The following PCDHGA2 variants were observed in gnomAD, a reference collection of about 807,000 sequenced individuals.
The protein encoded by PCDHGA2 is protocadherin gamma subfamily A, 2.
In PCDHGA2, 40 loss-of-function variants were observed where a neutral mutation model predicts 59.2. The ratio of observed to expected loss-of-function variants is 0.68; its 90% CI spans 0.52 to 0.88. The LOEUF (loss-of-function observed/expected upper bound fraction) is 0.88. Among genes scored for constraint, PCDHGA2 ranks in the 40% least tolerant of loss-of-function variants. The pLI is 0.00. For synonymous variants in PCDHGA2, 560 were observed against 526.0 expected, an observed-to-expected ratio of 1.06 and a Z score of -0.89; for missense variants, 1,226 against 1,204.0, an observed-to-expected ratio of 1.02 and a Z score of -0.27.
rs1282403944 is a variant in PCDHGA2 at position 141,485,452 on chromosome 5, G to A, written c.2425-9355G>A. ...TCATCAAGAACCCAATCGACCGAGA[G>A]GCACTGTGTGGGCTCAGTGCCAGCT... On this transcript the variant is annotated intron_variant, in intron 1 of 3. Transcript: ENST00000394576. The surrounding 1 kb of genome is among the most constrained non-coding windows in gnomAD (Gnocchi z 5.7). 2.5e-6 allele frequency: 4 copies of A among 1,614,054 alleles called. No individual in the cohort carries two copies. Among genetic ancestry groups the A allele is most frequent in the East Asian group, 4.5e-5 (2 of 44,884 alleles).
At chr5:141,450,014 T>A (rs867473620) in intron 1 of PCDHGA2, among the ~76,000 whole-genome samples, 7,114 of 149,588 alleles carry the variant, frequency 0.048, 422 homozygotes, top group African/African-American at 0.13. Context: ...CTCTTTTTTT[T>A]TTTTTTTTTT....
At chr5:141,463,653 G>T (rs1378583183) in intron 1 of PCDHGA2, among the ~76,000 whole-genome samples, 1 of 151,764 alleles carries the variant, frequency 6.6e-6, no homozygotes. Context: ...GGGTTTCACC[G>T]TGTTAGCCAG....
intron 1 of PCDHGA2, chr5:141,370,414 G>A (rs1479510412): frequency 6.4e-7 from 1 of 1,568,570 alleles, no homozygotes; most frequent in Non-Finnish European, 8.6e-7. Flanking sequence ...AGCTCCGGAT[G>A]GAGGGGCCCA....
intron 1 of PCDHGA2, among the ~76,000 whole-genome samples, chr5:141,386,184 C>T (rs1402266173): frequency 6.6e-6 from 1 of 152,164 alleles, no homozygotes; most frequent in Non-Finnish European, 1.5e-5. Context: ...ATCTTATGTA[C>T]ACAGATCCTA....
Position 141,338,859 on chromosome 5 carries a change from C to T in PCDHGA2, c.-113C>T. The T allele has an allele frequency of 7.0e-7, 1 of 1,434,090 alleles. No homozygotes were observed. The highest frequency in any genetic ancestry group is 9.1e-7 in the Non-Finnish European group (1 of 1,095,672). The allele number at this position is 1,434,090 out of a possible 1,614,324, so 88.8% of individuals were successfully genotyped here. ...CAGTCGAACAGCCCACCAGTTCTCT[C>T]CATAGGGACCTGGGTCCCGTGAATG... On this transcript the variant is annotated 5_prime_UTR_variant, in exon 1 of 4. Coordinates refer to ENST00000394576, the MANE Select transcript of PCDHGA2 (RefSeq NM_018915.4).
chr5:141,397,862 G>A (rs956658469), intron 1 of PCDHGA2: 5 of 566,952 alleles, frequency 8.8e-6, no homozygotes, highest in African/African-American at 7.5e-5. Flanking sequence ...TAGTTTCCTA[G>A]TGCTGACTCT....
At chr5:141,427,007 C>T (rs1215109574) in intron 1 of PCDHGA2, 2 of 456,668 alleles carry the variant, frequency 4.4e-6, no homozygotes, top group Admixed American at 2.3e-5. Flanking sequence ...CAGTTTTTAG[C>T]CAGGATGTAT....
chr5:141,399,538 T>G, intron 1 of PCDHGA2: 1 of 1,614,048 alleles, frequency 6.2e-7, no homozygotes, highest in Non-Finnish European at 8.5e-7. Context: ...CGCGCAAGTC[T>G]GCGCCTCGGA....
intron 1 of PCDHGA2, chr5:141,361,582 C>T (rs746722919): frequency 3.1e-6 from 5 of 1,614,022 alleles, no homozygotes; most frequent in Non-Finnish European, 8.5e-7. Context: ...TGACTTGGGC[C>T]CCAGTGGCCA....
At chr5:141,366,655 C>G in intron 1 of PCDHGA2, 2 of 1,614,220 alleles carry the variant, frequency 1.2e-6, no homozygotes, top group Non-Finnish European at 1.7e-6. Context: ...AGCCCAACTA[C>G]GCAGACACGC....
chr5:141,446,130 CTT>C (rs1191897284), intron 1 of PCDHGA2, among the ~76,000 whole-genome samples: 2 of 152,076 alleles, frequency 1.3e-5, no homozygotes, highest in African/African-American at 4.8e-5. Context: ...TTCAATAAGA[CTT>C]AATAATGGAA....
At chr5:141,344,116 C>CCGGTCA (rs1236669885) in intron 1 of PCDHGA2, 1 of 1,613,892 alleles carries the variant, frequency 6.2e-7, no homozygotes, top group Non-Finnish European at 8.5e-7. Context: ...GAAACAGGAT[C>CCGGTCA]CGGTCAGATC....
Position 141,487,779 on chromosome 5 carries a change from T to C in PCDHGA2, c.2425-7028T>C, listed in dbSNP as rs1269811316. On this transcript the variant is annotated intron_variant, in intron 1 of 3. Coordinates refer to ENST00000394576, the MANE Select transcript of PCDHGA2 (RefSeq NM_018915.4). This position sits in a 1 kb window ranked among gnomAD's most constrained non-coding sequence, Gnocchi z 5.0. ...GTAGACGCTGTGCTTTGTAACTGTT[T>C]CGTGAATTAACCAGAGTTGTCACAG... is the stretch of plus-strand genomic sequence containing the variant. 2.6e-6 allele frequency: 4 copies of C among 1,530,492 alleles called. No individual in the cohort carries two copies. The highest frequency in any genetic ancestry group is 2.6e-6 in the Non-Finnish European group (3 of 1,133,212). The allele number at this position is 1,530,492 out of a possible 1,614,324, so 94.8% of individuals were successfully genotyped here. A position where few individuals can be genotyped will look rare whatever the true frequency, so the allele number is the denominator to read the frequency against.
chr5:141,443,235 C>G (rs1182428300), intron 1 of PCDHGA2, among the ~76,000 whole-genome samples: 2 of 151,642 alleles, frequency 1.3e-5, no homozygotes, highest in East Asian at 1.9e-4. Flanking sequence ...AATCTTAGCA[C>G]TTTGGGGCGC....
At chr5:141,388,365 G>A (rs2091332064) in intron 1 of PCDHGA2, 1 of 1,614,002 alleles carries the variant, frequency 6.2e-7, no homozygotes, top group East Asian at 2.2e-5. Flanking sequence ...CCATGATGCG[G>A]ATATTGGTAG....
chr5:141,499,689 C>CTTTTT (rs545067566), intron 2 of PCDHGA2, among the ~76,000 whole-genome samples: 5 of 119,848 alleles, frequency 4.2e-5, no homozygotes, highest in Admixed American at 8.7e-5. Context: ...TAACAGATGA[C>CTTTTT]TTTTTTTTTT....
Position 141,487,856 on chromosome 5 carries a change from T to C in PCDHGA2, c.2425-6951T>C. The C allele has an allele frequency of 2.0e-6, 2 of 977,364 alleles. No homozygotes were observed. The highest frequency in any genetic ancestry group is 3.0e-6 in the Non-Finnish European group (2 of 671,858). 60.5% of individuals were successfully genotyped at this position (977,364 alleles called of 1,614,324 possible). A position where few individuals can be genotyped will look rare whatever the true frequency, so the allele number is the denominator to read the frequency against. Reference sequence around the variant, plus strand: ...ATATCTGAGTAAGAAATGAAAGTAATTGGTGATCAAGAGCCAGGCTGTTGT... The same window carrying C: ...ATATCTGAGTAAGAAATGAAAGTAACTGGTGATCAAGAGCCAGGCTGTTGT... On this transcript the variant is annotated intron_variant, in intron 1 of 3. Transcript: ENST00000394576. The surrounding 1 kb of genome is among the most constrained non-coding windows in gnomAD (Gnocchi z 5.0).
intron 1 of PCDHGA2, chr5:141,404,120 C>T (rs1224189151): frequency 1.2e-6 from 2 of 1,613,312 alleles, no homozygotes; most frequent in East Asian, 4.5e-5. Flanking sequence ...CCAGGAGAAT[C>T]TATCTTTTAC....
At chr5:141,495,392 G>A (rs2099760968) in intron 2 of PCDHGA2, among the ~76,000 whole-genome samples, 2 of 152,186 alleles carry the variant, frequency 1.3e-5, no homozygotes, top group Non-Finnish European at 2.9e-5. Context: ...GGCGGGGCAT[G>A]GAGCAGGCCC....
Sources: gnomAD v4.1 joint callset for allele counts (sites outside exome capture counted in the v4.1 genomes callset) on GRCh38, gnomAD v4.1.1 for gene constraint, Gnocchi (gnomAD v3.1) non-coding constraint, MANE v1.5 for transcripts, NCBI Gene and HGNC (gene_info 2026-07-23, HGNC 2026-07-21) for gene names.